LGR4: variants seen among roughly 807,000 people sequenced by gnomAD.
LGR4 encodes the protein leucine rich repeat containing G protein-coupled receptor 4, also known as leucine-rich repeat-containing G protein-coupled receptor 4.
LGR4 carries 44 observed loss-of-function variants against 84.8 expected under a neutral mutation model. The observed-to-expected ratio is 0.52, with a 90% CI of 0.41 to 0.67. The LOEUF is 0.67. Ranked by LOEUF, LGR4 falls within the 30% of genes least tolerant of loss-of-function variation. The probability of loss-of-function intolerance (pLI) is 0.00; values close to 1 mark genes in which losing one functional copy is unlikely to be tolerated. For synonymous variants in LGR4, 429 were observed against 434.3 expected, an observed-to-expected ratio of 0.99 and a Z score of 0.15; for missense variants, 1,032 against 1,131.4, an observed-to-expected ratio of 0.91 and a Z score of 1.26.
At chr11:27,419,085 T>C (rs1211297248) in intron 1 of LGR4, among the ~76,000 whole-genome samples, 1 of 152,144 alleles carries the variant, frequency 6.6e-6, no homozygotes, top group African/African-American at 2.4e-5. Flanking sequence ...TTTTAGGATA[T>C]TCCCTTCAAA....
chr11:27,427,423 T>G (rs1864042861), intron 1 of LGR4, among the ~76,000 whole-genome samples: 1 of 152,100 alleles, frequency 6.6e-6, no homozygotes, highest in Non-Finnish European at 1.5e-5. Flanking sequence ...AAACTGCAAG[T>G]AGACAAGTAT....
At chr11:27,410,158 C>T (rs200218252) in intron 2 of LGR4, among the ~76,000 whole-genome samples, 12 of 152,078 alleles carry the variant, frequency 7.9e-5, no homozygotes, top group Admixed American at 5.9e-4. Context: ...CTAGTGGCTA[C>T]GGTGCTGGAC....
At position 27,368,953 on chromosome 11, in the gene LGR4, A is replaced by G; in HGVS notation, c.1770T>C (p.Tyr590=). 6.8e-6 allele frequency: 11 copies of G among 1,614,162 alleles called. No homozygotes were observed. The highest frequency in any genetic ancestry group is 9.3e-6 in the Non-Finnish European group (11 of 1,179,992). The change falls in exon 18 of 18, where the codon TAT becomes TAC. Residue 590 remains tyrosine (Y), a synonymous_variant. Coordinates refer to ENST00000379214, the MANE Select transcript of LGR4 (RefSeq NM_018490.5). The part of the protein sequence containing the change: ...ISVSNLFMGI[Y]TGILTFLDAV... ...CATCAAGAAAAGTTAGGATGCCAGTATAGATTCCCATGAATAAGTTAGACA... is the reference window on the plus strand; with the variant it reads ...CATCAAGAAAAGTTAGGATGCCAGTGTAGATTCCCATGAATAAGTTAGACA...
chr11:27,371,163 T>C (rs980156017), intron 17 of LGR4, among the ~76,000 whole-genome samples: 1 of 152,206 alleles, frequency 6.6e-6, no homozygotes, highest in Non-Finnish European at 1.5e-5. Context: ...CTCTAGTAGA[T>C]TAGGCAGACT....
intron 1 of LGR4, among the ~76,000 whole-genome samples, chr11:27,455,262 G>C (rs1864553506): frequency 6.6e-6 from 1 of 152,060 alleles, no homozygotes; most frequent in African/African-American, 2.4e-5. Context: ...CACTATAAAT[G>C]ATTCTGGTCA....
chr11:27,429,873 G>T (rs1864086875), intron 1 of LGR4, among the ~76,000 whole-genome samples: 1 of 152,116 alleles, frequency 6.6e-6, no homozygotes, highest in Non-Finnish European at 1.5e-5. Context: ...CCTGGGCTGG[G>T]ATCCTGAGAG....
intron 2 of LGR4, among the ~76,000 whole-genome samples, chr11:27,398,702 T>A (rs1863437995): frequency 6.6e-6 from 1 of 152,116 alleles, no homozygotes; most frequent in Non-Finnish European, 1.5e-5. Context: ...GGTTGAAGAC[T>A]AGATAATAAA....
intron 1 of LGR4, among the ~76,000 whole-genome samples, chr11:27,464,816 T>C (rs1223896401): frequency 1.3e-5 from 2 of 152,148 alleles, no homozygotes; most frequent in Non-Finnish European, 2.9e-5. Context: ...CTGATTCAAA[T>C]ACCAAAAGTA....
At position 27,385,332 on chromosome 11, in the gene LGR4, G is replaced by A; in HGVS notation, c.538C>T (p.Gln180Ter). 2 of 1,611,362 alleles carry A rather than the reference G, an allele frequency of 1.2e-6. No homozygotes were observed. The highest frequency in any genetic ancestry group is 1.7e-6 in the Non-Finnish European group (2 of 1,179,004). Residue 180 changes from glutamine to a stop codon, truncating the protein, a stop_gained, in exon 5 of 18, where the codon CAG becomes TAG. Transcript: ENST00000379214. LOFTEE classifies it high-confidence loss of function. ...TTGTTGAGAGCCAGGGTCAGCGCCT[G>A]TAGGGTGGGCAGATTGCTGAGGGGG... Reference protein sequence around the residue: ...VHPLSNLPTLQALTLALNKIS... With the variant: ...VHPLSNLPTL
chr11:27,430,869 C>A (rs932008903), intron 1 of LGR4, among the ~76,000 whole-genome samples: 4 of 152,094 alleles, frequency 2.6e-5, no homozygotes, highest in African/African-American at 4.8e-5. Flanking sequence ...TCTCCAACAT[C>A]ATCTCAAATC....
At chr11:27,387,068 A>G (rs1411874801) in intron 4 of LGR4, among the ~76,000 whole-genome samples, 2 of 152,182 alleles carry the variant, frequency 1.3e-5, no homozygotes, top group Non-Finnish European at 2.9e-5. Context: ...CCCTCATGGA[A>G]CTTTTCCATT....
chr11:27,398,510 T>C (rs1052961793), intron 2 of LGR4, among the ~76,000 whole-genome samples: 3 of 152,180 alleles, frequency 2.0e-5, no homozygotes, highest in Non-Finnish European at 4.4e-5. Context: ...AGAAATACCA[T>C]ATATACACTG....
chr11:27,396,237 T>C (rs1863390276), intron 2 of LGR4, among the ~76,000 whole-genome samples: 1 of 152,172 alleles, frequency 6.6e-6, no homozygotes, highest in Non-Finnish European at 1.5e-5. Flanking sequence ...TAGGAAATAA[T>C]TCACAGAAAA....
rs755279199 is a variant in LGR4 at position 27,377,165 on chromosome 11, C to A, written c.1102G>T (p.Glu368Ter). Reference protein sequence around the residue: ...LPSFNGCHALEEISLQRNQIY... With the variant: ...LPSFNGCHAL The stretch of plus-strand genomic sequence containing the variant: ...AGTCAAAGACCAACTCACATTTCTT[C>A]CAGAGCATGGCAACCATTAAAACTT... Residue 368 changes from glutamate to a stop codon, truncating the protein, a stop_gained, in exon 12 of 18, where the codon GAA (glutamate) becomes TAA (stop). Transcript: ENST00000379214. LOFTEE classifies it high-confidence loss of function. The A allele has an allele frequency of 6.3e-7, 1 of 1,581,888 alleles. No homozygotes were observed. Among genetic ancestry groups the A allele is most frequent in the Non-Finnish European group, 8.7e-7 (1 of 1,155,588 alleles).
intron 1 of LGR4, among the ~76,000 whole-genome samples, chr11:27,417,969 A>G (rs1214751322): frequency 6.6e-6 from 1 of 152,204 alleles, no homozygotes; most frequent in African/African-American, 2.4e-5. Flanking sequence ...GAAAGCCACC[A>G]TGCCAAAAGG....
chr11:27,393,945 G>GGT (rs1863334829), intron 2 of LGR4, among the ~76,000 whole-genome samples: 1 of 128,534 alleles, frequency 7.8e-6, no homozygotes, highest in Non-Finnish European at 1.7e-5. Context: ...AGATTGGGGG[G>GGT]GGGGGGGGGC....
intron 2 of LGR4, among the ~76,000 whole-genome samples, chr11:27,399,248 G>A (rs1319656310): frequency 6.6e-6 from 1 of 152,002 alleles, no homozygotes; most frequent in African/African-American, 2.4e-5. Flanking sequence ...TACTTTTGAA[G>A]ACACACATAG....
intron 1 of LGR4, among the ~76,000 whole-genome samples, chr11:27,446,149 A>G (rs1017585035): frequency 1.3e-5 from 2 of 152,072 alleles, no homozygotes; most frequent in Admixed American, 6.6e-5. Flanking sequence ...TTTCTTGTAA[A>G]TTTGTTTAAG....
In LGR4 at chr11:27,472,683, C is replaced by G. The variant is rs1297043746; in HGVS notation, c.-381G>C. On this transcript the variant is annotated 5_prime_UTR_variant, in exon 1 of 18. Coordinates refer to ENST00000379214, the MANE Select transcript of LGR4 (RefSeq NM_018490.5). ...GCCTTCAGCCATGCCGGCCACTCGC[C>G]CCAGCCCCCGCCGTGGCTCTCGCAC... 1 of 359,470 alleles carries G rather than the reference C, an allele frequency of 2.8e-6. No homozygotes were observed. Among genetic ancestry groups the G allele is most frequent in the Non-Finnish European group, 5.0e-6 (1 of 201,370 alleles). The allele number at this position is 359,470 out of a possible 1,614,324, so 22.3% of individuals were successfully genotyped here.
Sources: gnomAD v4.1 joint callset for allele counts (sites outside exome capture counted in the v4.1 genomes callset) on GRCh38, gnomAD v4.1.1 for gene constraint, MANE v1.5 for transcripts, NCBI Gene and HGNC (gene_info 2026-07-23, HGNC 2026-07-21) for gene names.